ZCWPW2: variants seen among roughly 807,000 people sequenced by gnomAD.
ZCWPW2 encodes zinc finger CW-type PWWP domain protein 2.
ZCWPW2 carries 45 observed loss-of-function variants against 46.6 expected under a neutral mutation model. The observed-to-expected ratio is 0.96, with a 90% CI of 0.76 to 1.24. The LOEUF (loss-of-function observed/expected upper bound fraction) is 1.24, where lower values mean the gene tolerates loss of function less well. ZCWPW2 is among the 50% of genes most tolerant of loss of function. ZCWPW2 has a pLI of 0.00. For missense variants in ZCWPW2, 429 were observed against 403.9 expected (o/e 1.06, Z -0.53); for synonymous variants, 152 against 137.1 (o/e 1.11, Z -0.76).
rs190888591 is a variant in ZCWPW2, at chr3:28,407,494, A to G, written c.-13-5562A>G. On this transcript the variant is annotated intron_variant, in intron 2 of 9. Coordinates refer to ENST00000383768, the MANE Select transcript of ZCWPW2 (RefSeq NM_001040432.4). The stretch of plus-strand genomic sequence containing the variant: ...GAGTATCTATAGTGTGCAAAATAAT[A>G]TGCTAGGAGTTCAATATAGGGTAAT... Among the ~76,000 whole-genome samples, 5 of 152,294 alleles carry G rather than the reference A, an allele frequency of 3.3e-5. No individual in the cohort carries two copies. The East Asian group carries it at 9.7e-4, about 29-fold the overall frequency.
intron 6 of ZCWPW2, among the ~76,000 whole-genome samples, chr3:28,498,279 G>T (rs1211364510): frequency 2.0e-5 from 3 of 149,248 alleles, no homozygotes; most frequent in Non-Finnish European, 3.0e-5. Context: ...GTGTATTCAG[G>T]AAACAGTGTA....
chr3:28,426,299 C>A (rs1294706095), intron 3 of ZCWPW2, among the ~76,000 whole-genome samples: 1 of 151,282 alleles, frequency 6.6e-6, no homozygotes, highest in Non-Finnish European at 1.5e-5. Context: ...AGTCTGGACT[C>A]TTTAGAGAAA....
intron 6 of ZCWPW2, among the ~76,000 whole-genome samples, chr3:28,507,882 C>A (rs1255767512): frequency 6.6e-6 from 1 of 151,982 alleles, no homozygotes; most frequent in Admixed American, 6.6e-5. Flanking sequence ...GGTAAAAAAA[C>A]CCTGTAGATT....
chr3:28,521,265 C>G, intron 9 of ZCWPW2, 149 bp downstream of exon 9: 1 of 785,330 alleles, frequency 1.3e-6, no homozygotes. Flanking sequence ...AAATAATAAA[C>G]TAGTAACCTG....
At chr3:28,472,048 T>A (rs1699056157) in intron 4 of ZCWPW2, among the ~76,000 whole-genome samples, 1 of 152,148 alleles carries the variant, frequency 6.6e-6, no homozygotes, top group South Asian at 2.1e-4. Context: ...CAATGAAAAC[T>A]GTAAAACATT....
intron 7 of ZCWPW2, 89 bp downstream of exon 7, chr3:28,514,211 C>A: frequency 2.3e-6 from 2 of 854,990 alleles, no homozygotes; most frequent in Non-Finnish European, 3.2e-6. Flanking sequence ...TAACCCTAAA[C>A]AACATCTTTA....
intron 3 of ZCWPW2, among the ~76,000 whole-genome samples, chr3:28,426,343 A>G (rs1697011113): frequency 6.6e-6 from 1 of 151,844 alleles, no homozygotes; most frequent in South Asian, 2.1e-4. Flanking sequence ...ATTCAGGAAG[A>G]TACATTGTCA....
At chr3:28,484,017 G>A (rs1358853461) in intron 5 of ZCWPW2, among the ~76,000 whole-genome samples, 1 of 152,018 alleles carries the variant, frequency 6.6e-6, no homozygotes, top group Non-Finnish European at 1.5e-5. Flanking sequence ...GTACAATATT[G>A]AGAAGAGTGG....
intron 4 of ZCWPW2, among the ~76,000 whole-genome samples, chr3:28,447,413 A>T (rs1698035446): frequency 6.6e-6 from 1 of 152,126 alleles, no homozygotes; most frequent in Admixed American, 6.6e-5. Context: ...TGATCAGCTT[A>T]ATTAATGTAG....
At chr3:28,458,788 AACCAGGGTCTTTC>A (rs1262290401) in intron 4 of ZCWPW2, among the ~76,000 whole-genome samples, 1 of 152,194 alleles carries the variant, frequency 6.6e-6, no homozygotes, top group Non-Finnish European at 1.5e-5. Context: ...CTTAACCTTT[AACCAGGGTCTTTC>A]AAAGTTGGAA....
Position 28,414,480 on chromosome 3 carries a change from A to C in ZCWPW2, c.332+1080A>C, listed in dbSNP as rs377386055. Among the ~76,000 whole-genome samples, 80 of 151,264 alleles carry C rather than the reference A, an allele frequency of 5.3e-4. 1 individual carries two copies. Among genetic ancestry groups the C allele is most frequent in the East Asian group, 2.5e-3 (13 of 5,110 alleles). On this transcript the variant is annotated intron_variant, in intron 3 of 9. Coordinates refer to ENST00000383768, the MANE Select transcript of ZCWPW2 (RefSeq NM_001040432.4). ...TTTAATTTTATTATTATTGTACTTT[A>C]AGTTTTAGGGTACATGTGCACAACG...
chr3:28,351,842 C>T (rs1704564380), intron 1 of ZCWPW2, among the ~76,000 whole-genome samples: 2 of 152,082 alleles, frequency 1.3e-5, no homozygotes, highest in African/African-American at 4.8e-5. Context: ...ATTGAAATGG[C>T]AGTGTCTGTC....
chr3:28,420,682 A>T (rs1355493946), intron 3 of ZCWPW2, among the ~76,000 whole-genome samples: 2 of 151,634 alleles, frequency 1.3e-5, no homozygotes, highest in East Asian at 3.9e-4. Context: ...TGCTGCTGTG[A>T]TAAGCTTTCA....
rs1695816396 is a variant in ZCWPW2, at chr3:28,399,018, C to G, written c.-14+8401C>G. Among the ~76,000 whole-genome samples, 5 of 152,288 alleles carry G rather than the reference C, an allele frequency of 3.3e-5. No homozygotes were observed. The South Asian group carries it at 1.0e-3, about 32-fold the overall frequency. ...AGGAAAGCCATATTTGCTTTTGCAG[C>G]TAGGAGGCAGGTAGCCTGGGGCAAG... On this transcript the variant is annotated intron_variant, in intron 2 of 9. Transcript: ENST00000383768.
At chr3:28,385,291 A>G (rs542798989) in intron 1 of ZCWPW2, among the ~76,000 whole-genome samples, 1 of 152,292 alleles carries the variant, frequency 6.6e-6, no homozygotes, top group South Asian at 2.1e-4. Context: ...TCTGAAGCAG[A>G]CAGTGCATAG....
chr3:28,478,526 A>G (rs542865659), intron 4 of ZCWPW2: 2 of 186,364 alleles, frequency 1.1e-5, no homozygotes, highest in East Asian at 1.4e-4. Flanking sequence ...AATATTAACT[A>G]CTTTGTGACG....
chr3:28,458,953 ATGT>A (rs760207949), intron 4 of ZCWPW2, among the ~76,000 whole-genome samples: 5 of 152,082 alleles, frequency 3.3e-5, no homozygotes, highest in Non-Finnish European at 5.9e-5. Flanking sequence ...ATTAATACAA[ATGT>A]TGTTATCCTG....
chr3:28,480,991 G>A (rs574994655), intron 5 of ZCWPW2, among the ~76,000 whole-genome samples: 2 of 150,082 alleles, frequency 1.3e-5, no homozygotes, highest in African/African-American at 2.5e-5. Flanking sequence ...TCAGCCTCCC[G>A]AGTAGTTGGG....
At position 28,474,898 on chromosome 3, in the gene ZCWPW2, G is replaced by A. The variant is rs1019123503; in HGVS notation, c.493-3916G>A. On this transcript the variant is annotated intron_variant, in intron 4 of 9. Coordinates refer to ENST00000383768, the MANE Select transcript of ZCWPW2 (RefSeq NM_001040432.4). ...GGCTAGAGTGCAGTGGCAGGATCTC[G>A]GCTCACTGCAACCTCCACCTCCCGG... is the stretch of plus-strand genomic sequence containing the variant. Among the ~76,000 whole-genome samples the A allele has an allele frequency of 3.9e-5, 6 of 152,030 alleles. No individual in the cohort carries two copies. The East Asian group carries it at 1.2e-3, about 29-fold the overall frequency.
Sources: allele counts gnomAD v4.1 joint callset (sites outside exome capture counted in the v4.1 genomes callset), GRCh38; gene constraint gnomAD v4.1.1; transcripts MANE v1.5; gene names NCBI Gene and HGNC (gene_info 2026-07-23, HGNC 2026-07-21).